Variants in CDK14 observed in about 807,000 individuals in gnomAD.
CDK14 encodes the protein cyclin dependent kinase 14, also known as cyclin-dependent kinase 14.
A neutral mutation model predicts 60.7 loss-of-function variants in CDK14; 34 were observed. The ratio of observed to expected loss-of-function variants is 0.56; its 90% CI spans 0.43 to 0.75. The LOEUF is 0.75. Ranked by LOEUF, CDK14 falls within the 30% of genes least tolerant of loss-of-function variation. The pLI is 0.00. For synonymous variants in CDK14, 197 were observed against 203.7 expected (o/e 0.97, Z 0.28); for missense variants, 482 against 564.1 (o/e 0.85, Z 1.47).
intron 8 of CDK14, among the ~76,000 whole-genome samples, chr7:90,931,999 T>G (rs1325581603): frequency 6.6e-6 from 1 of 152,202 alleles, no homozygotes; most frequent in Non-Finnish European, 1.5e-5. Context: ...ACGGAAAAAT[T>G]AGGGAAGCAA....
chr7:91,004,303 G>A (rs988666752), intron 10 of CDK14, among the ~76,000 whole-genome samples: 14 of 152,154 alleles, frequency 9.2e-5, no homozygotes, highest in Admixed American at 2.0e-4. Context: ...GTCACTTTCC[G>A]TTCTGAAGAC....
chr7:91,010,838 TCCCTC>T (rs1562867337), intron 10 of CDK14, among the ~76,000 whole-genome samples: 26 of 103,710 alleles, frequency 2.5e-4, no homozygotes, highest in Admixed American at 1.1e-3. Flanking sequence ...CCTTCCTCCC[TCCCTC>T]CCTCCCTCCC....
At chr7:91,204,539 TG>T (rs1802823858) in intron 14 of CDK14, among the ~76,000 whole-genome samples, 1 of 152,160 alleles carries the variant, frequency 6.6e-6, no homozygotes. Context: ...AACCAGAATG[TG>T]TAAAGAACTC....
At chr7:90,850,929 G>A (rs944667830) in intron 5 of CDK14, among the ~76,000 whole-genome samples, 2 of 152,128 alleles carry the variant, frequency 1.3e-5, no homozygotes, top group African/African-American at 4.8e-5. Context: ...CAAGTGAACA[G>A]TTTTCACAAC....
At chr7:90,873,598 T>A (rs1285852515) in intron 6 of CDK14, among the ~76,000 whole-genome samples, 3 of 152,220 alleles carry the variant, frequency 2.0e-5, no homozygotes, top group Non-Finnish European at 4.4e-5. Context: ...TTCATTTTTG[T>A]TGATGTGATT....
intron 11 of CDK14, among the ~76,000 whole-genome samples, chr7:91,070,878 C>T (rs1436116882): frequency 6.6e-6 from 1 of 150,630 alleles, no homozygotes. Context: ...ATAAGAAGAG[C>T]CACTCTAATT....
intron 14 of CDK14, among the ~76,000 whole-genome samples, chr7:91,174,887 G>T (rs1398238929): frequency 1.2e-4 from 15 of 129,626 alleles, no homozygotes; most frequent in Non-Finnish European, 3.2e-5. Flanking sequence ...CACTCTGCAG[G>T]ATATTATCCA....
chr7:90,619,995 A>G (rs983532906), intron 2 of CDK14, among the ~76,000 whole-genome samples: 5 of 152,156 alleles, frequency 3.3e-5, no homozygotes, highest in African/African-American at 1.2e-4. Context: ...GACTCTCGAA[A>G]CAACAACAAC....
At chr7:91,189,507 A>C (rs1802292015) in intron 14 of CDK14, among the ~76,000 whole-genome samples, 1 of 152,210 alleles carries the variant, frequency 6.6e-6, no homozygotes, top group South Asian at 2.1e-4. Context: ...TTACCACTTA[A>C]AATTTCAAAG....
chr7:90,726,312 C>T (rs1802629971), intron 2 of CDK14: 2 of 983,628 alleles, frequency 2.0e-6, no homozygotes, highest in Non-Finnish European at 2.4e-6. Flanking sequence ...GTACTACTAG[C>T]AGCCTGGGCC....
intron 2 of CDK14, among the ~76,000 whole-genome samples, chr7:90,723,123 C>T (rs1476313524): frequency 6.6e-6 from 1 of 152,124 alleles, no homozygotes; most frequent in East Asian, 1.9e-4. Context: ...AAGTTTTACT[C>T]TGTTTTTAGT....
At chr7:91,092,212 A>C (rs1798852356) in intron 12 of CDK14, among the ~76,000 whole-genome samples, 1 of 152,218 alleles carries the variant, frequency 6.6e-6, no homozygotes, top group African/African-American at 2.4e-5. Flanking sequence ...AAAGTCAGGA[A>C]TAAAGGACTG....
At chr7:91,005,781 C>T (rs1305101055) in intron 10 of CDK14, among the ~76,000 whole-genome samples, 1 of 152,162 alleles carries the variant, frequency 6.6e-6, no homozygotes, top group African/African-American at 2.4e-5. Context: ...ACCATTCTGA[C>T]ACAGAATTGG....
At chr7:91,032,856 T>C (rs1335260725) in intron 10 of CDK14, among the ~76,000 whole-genome samples, 1 of 152,262 alleles carries the variant, frequency 6.6e-6, no homozygotes, top group Non-Finnish European at 1.5e-5. Flanking sequence ...GAAGATAATA[T>C]AATTTTCTAA....
chr7:90,682,838 CATGTT>C (rs1250661501), intron 2 of CDK14, among the ~76,000 whole-genome samples: 5 of 152,130 alleles, frequency 3.3e-5, no homozygotes, highest in African/African-American at 1.2e-4. Flanking sequence ...GAATGTCCCT[CATGTT>C]ATGTTTATGT....
chr7:90,866,387 A>G (rs1054379167), intron 6 of CDK14, among the ~76,000 whole-genome samples: 3 of 152,136 alleles, frequency 2.0e-5, no homozygotes, highest in Non-Finnish European at 2.9e-5. Flanking sequence ...TTTTCTAAAC[A>G]ATGTTGATTT....
intron 14 of CDK14, among the ~76,000 whole-genome samples, chr7:91,187,978 A>G (rs1214516689): frequency 2.0e-5 from 3 of 152,152 alleles, no homozygotes; most frequent in Admixed American, 6.5e-5. Flanking sequence ...GCCTTTTCCT[A>G]TTGGCACAAC....
chr7:90,895,348 C>CCCT (rs1792268922), intron 6 of CDK14, among the ~76,000 whole-genome samples: 1 of 86,356 alleles, frequency 1.2e-5, no homozygotes, highest in African/African-American at 4.5e-5. Flanking sequence ...CTCCTCTCCT[C>CCCT]TCCTCTCCTC....
At chr7:90,790,129 A>G (rs1053444881) in intron 4 of CDK14, among the ~76,000 whole-genome samples, 15 of 151,622 alleles carry the variant, frequency 9.9e-5, no homozygotes, top group Admixed American at 2.0e-4. Context: ...AGAGAGAAGA[A>G]TGTCAAGTTT....
Sources: gnomAD v4.1 joint callset for allele counts (sites outside exome capture counted in the v4.1 genomes callset) on GRCh38, gnomAD v4.1.1 for gene constraint, MANE v1.5 for transcripts, NCBI Gene and HGNC (gene_info 2026-07-23, HGNC 2026-07-21) for gene names.